Variants in EIF2AK1 observed in about 807,000 individuals in gnomAD.
The protein encoded by EIF2AK1 is eukaryotic translation initiation factor 2 alpha kinase 1, also known as eukaryotic translation initiation factor 2-alpha kinase 1.
In EIF2AK1, 54 loss-of-function variants were observed where a neutral mutation model predicts 77.9. The ratio of observed to expected loss-of-function variants is 0.69; its 90% CI spans 0.56 to 0.87. EIF2AK1 has a LOEUF of 0.87. EIF2AK1 is among the 40% of genes least tolerant of loss of function. The pLI, the probability that EIF2AK1 is intolerant of heterozygous loss-of-function variation, is 0.00. For synonymous variants in EIF2AK1, 314 were observed against 290.5 expected, an observed-to-expected ratio of 1.08 and a Z score of -0.82; for missense variants, 810 against 768.6, an observed-to-expected ratio of 1.05 and a Z score of -0.64.
Position 6,028,716 on chromosome 7 carries a change from C to T in EIF2AK1, c.1448-19G>A, listed in dbSNP as rs1279705415. The T allele has an allele frequency of 1.2e-6, 2 of 1,610,572 alleles. No individual in the cohort carries two copies. The highest frequency in any genetic ancestry group is 1.3e-5 in the African/African-American group (1 of 74,860). On this transcript the variant is annotated intron_variant, in intron 12 of 14. Coordinates refer to ENST00000199389, the MANE Select transcript of EIF2AK1 (RefSeq NM_014413.4). ...GGTGTTCCTATCATTTCAAAAGCCA[C>T]ATATTAAACATTGCAGTTAGCGCTG... is the stretch of plus-strand genomic sequence containing the variant.
chr7:6,052,063 T>C lies in EIF2AK1; in HGVS notation c.278-2018A>G, dbSNP rs548740863. ...GGTGGGTGCCTGTAGTCCCAGCTAC[T>C]TGGGAGGCTGAGGCAAGAGAATCGC... On this transcript the variant is annotated intron_variant, in intron 2 of 14. Transcript: ENST00000199389. Among the ~76,000 whole-genome samples, 2 of 151,636 alleles carry C rather than the reference T, an allele frequency of 1.3e-5. 1 individual carries two copies. Among genetic ancestry groups the C allele is most frequent in the African/African-American group, 4.8e-5 (2 of 41,368 alleles).
At chr7:6,049,842 T>A in intron 3 of EIF2AK1, 70 bp downstream of exon 3, 2 of 1,434,810 alleles carry the variant, frequency 1.4e-6, no homozygotes, top group Non-Finnish European at 1.9e-6. Flanking sequence ...TTCACAGTGC[T>A]TTAAAATATA....
intron 14 of EIF2AK1, among the ~76,000 whole-genome samples, chr7:6,025,461 T>G (rs922989646): frequency 6.6e-6 from 1 of 151,966 alleles, no homozygotes; most frequent in African/African-American, 2.4e-5. Flanking sequence ...CGCCCAATGC[T>G]TGTAACTCTT....
In EIF2AK1 at chr7:6,032,827, T is replaced by C; in HGVS notation, c.1333-3795A>G. On this transcript the variant is annotated intron_variant, in intron 11 of 14. Transcript: ENST00000199389. The surrounding 1 kb of genome is among the most constrained non-coding windows in gnomAD (Gnocchi z 4.3). The stretch of plus-strand genomic sequence containing the variant: ...AGGGCCACTTGTAATGTGTTTTGTT[T>C]TCCCTCCAAAGCCGACAGAGTCTAT... The C allele has an allele frequency of 1.9e-6, 3 of 1,548,648 alleles. No individual in the cohort carries two copies. The highest frequency in any genetic ancestry group is 2.6e-6 in the Non-Finnish European group (3 of 1,145,084).
chr7:6,055,816 A>C (rs562387318), intron 1 of EIF2AK1, among the ~76,000 whole-genome samples: 9 of 150,796 alleles, frequency 6.0e-5, no homozygotes, highest in African/African-American at 2.2e-4. Context: ...CCCTGTCTCT[A>C]CGAAAAAACA....
Position 6,024,553 on chromosome 7 carries a change from G to T in EIF2AK1, c.*120C>A. 1.3e-6 allele frequency: 2 copies of T among 1,518,440 alleles called. No homozygotes were observed. Among genetic ancestry groups the T allele is most frequent in the Non-Finnish European group, 8.8e-7 (1 of 1,140,716 alleles). The allele number at this position is 1,518,440 out of a possible 1,614,324, so 94.1% of individuals were successfully genotyped here. ...AAGGAACGGCAGCTTGGGGCACTCTGACATCTTTAACAAGTCTTGTAAAGG... is the reference window on the plus strand; with the variant it reads ...AAGGAACGGCAGCTTGGGGCACTCTTACATCTTTAACAAGTCTTGTAAAGG... On this transcript the variant is annotated 3_prime_UTR_variant, in exon 15 of 15. Transcript: ENST00000199389.
Position 6,038,547 on chromosome 7 carries a change from A to G in EIF2AK1, c.1231+13T>C. On this transcript the variant is annotated intron_variant, in intron 10 of 14. Transcript: ENST00000199389. ...GTCTATTTCCCGGCCCGGCAGACCCAGATGGTACTCACAGGCAGACTCGTC... is the reference window on the plus strand; with the variant it reads ...GTCTATTTCCCGGCCCGGCAGACCCGGATGGTACTCACAGGCAGACTCGTC... 6.2e-7 allele frequency: 1 copy of G among 1,604,098 alleles called. No individual in the cohort carries two copies. Among genetic ancestry groups the G allele is most frequent in the Non-Finnish European group, 8.5e-7 (1 of 1,174,220 alleles).
rs756176778 is a variant in EIF2AK1, at chr7:6,023,271, G to C, written c.*1402C>G. ...GAGTACTTCCCTCAGGGCTGCTCTG[G>C]TGATGCTACCTGGCGTGTTTTTTCT... On this transcript the variant is annotated 3_prime_UTR_variant, in exon 15 of 15. Transcript: ENST00000199389. The C allele has an allele frequency of 1.3e-6, 2 of 1,556,908 alleles. No individual in the cohort carries two copies. Among genetic ancestry groups the C allele is most frequent in the Non-Finnish European group, 1.7e-6 (2 of 1,158,112 alleles).
At chr7:6,047,943 C>T (rs1038770266) in intron 4 of EIF2AK1, 1 of 152,174 alleles carries the variant, frequency 6.6e-6, no homozygotes, top group African/African-American at 2.4e-5. Flanking sequence ...TGCACTACAG[C>T]CCAGGACTCC....
chr7:6,035,347 T>C lies in EIF2AK1; in HGVS notation c.1332+2077A>G. 8.5e-7 allele frequency: 1 copy of C among 1,176,476 alleles called. No individual in the cohort carries two copies. Among genetic ancestry groups the C allele is most frequent in the Non-Finnish European group, 1.2e-6 (1 of 840,950 alleles). The allele number at this position is 1,176,476 out of a possible 1,614,324, so 72.9% of individuals were successfully genotyped here. A position where few individuals can be genotyped will look rare whatever the true frequency, so the allele number is the denominator to read the frequency against. ...CGTCCTTAAGGTAATTGAAGGGTCT[T>C]ACTTTAAATAAATACTGGCTTCTTA... On this transcript the variant is annotated intron_variant, in intron 11 of 14. Coordinates refer to ENST00000199389, the MANE Select transcript of EIF2AK1 (RefSeq NM_014413.4). The surrounding 1 kb of genome is among the most constrained non-coding windows in gnomAD (Gnocchi z 5.5).
At chr7:6,044,509 A>C in intron 7 of EIF2AK1, 53 bp downstream of exon 7, 1 of 1,471,470 alleles carries the variant, frequency 6.8e-7, no homozygotes, top group Non-Finnish European at 9.4e-7. Context: ...GATTTGGTGC[A>C]CGGGCTAAAG....
chr7:6,030,905 A>G (rs1787891350), intron 11 of EIF2AK1, among the ~76,000 whole-genome samples: 1 of 152,214 alleles, frequency 6.6e-6, no homozygotes, highest in African/African-American at 2.4e-5. Flanking sequence ...TACAGACCCA[A>G]AACATCTCCC....
chr7:6,023,410 G>A lies in EIF2AK1; in HGVS notation c.*1263C>T, dbSNP rs751703423. 6.2e-7 allele frequency: 1 copy of A among 1,614,104 alleles called. No individual in the cohort carries two copies. The highest frequency in any genetic ancestry group is 2.2e-5 in the East Asian group (1 of 44,904). ...TCTGTTTGGCCAGAAGCATAATGCT[G>A]TCAACGCAACCCTTATAGATAGCTG... On this transcript the variant is annotated 3_prime_UTR_variant, in exon 15 of 15. Coordinates refer to ENST00000199389, the MANE Select transcript of EIF2AK1 (RefSeq NM_014413.4).
intron 11 of EIF2AK1, among the ~76,000 whole-genome samples, chr7:6,034,645 A>G (rs756238237): frequency 6.6e-6 from 1 of 152,222 alleles, no homozygotes; most frequent in Non-Finnish European, 1.5e-5. Flanking sequence ...CTGTTTCACC[A>G]TATCCATAGC....
rs1006912603 is a variant in EIF2AK1 at position 6,027,324 on chromosome 7, G to T, written c.1531-363C>A. 1.3e-5 allele frequency among the ~76,000 whole-genome samples: 2 copies of T among 152,152 alleles called. No individual in the cohort carries two copies. The highest frequency in any genetic ancestry group is 4.8e-5 in the African/African-American group (2 of 41,426). ...GCGGGGGAGCCACAGAAGGTCGCGGGTTCTCCTCCGGTCTCACCTCTGCCT... is the reference window on the plus strand; with the variant it reads ...GCGGGGGAGCCACAGAAGGTCGCGGTTTCTCCTCCGGTCTCACCTCTGCCT... On this transcript the variant is annotated intron_variant, in intron 13 of 14. Transcript: ENST00000199389. The surrounding 1 kb of genome is among the most constrained non-coding windows in gnomAD (Gnocchi z 4.5).
intron 6 of EIF2AK1, 108 bp downstream of exon 6, chr7:6,045,963 A>G: frequency 1.7e-6 from 1 of 603,324 alleles, no homozygotes. Context: ...AGTAAACTGG[A>G]AATCCACACC....
Position 6,035,660 on chromosome 7 carries a change from A to T in EIF2AK1, c.1332+1764T>A. 1 of 1,550,742 alleles carries T rather than the reference A, an allele frequency of 6.4e-7. No individual in the cohort carries two copies. Among genetic ancestry groups the T allele is most frequent in the Non-Finnish European group, 8.7e-7 (1 of 1,147,062 alleles). On this transcript the variant is annotated intron_variant, in intron 11 of 14. Transcript: ENST00000199389. The surrounding 1 kb of genome is among the most constrained non-coding windows in gnomAD (Gnocchi z 5.5). ...GTTCACCACTCCACCTGGCCATAGC[A>T]TATGGTTGCTATCCAGTTCTCTCCA...
In EIF2AK1 at chr7:6,023,896, C is replaced by T. The variant is rs907090084; in HGVS notation, c.*777G>A. 1.1e-5 allele frequency: 17 copies of T among 1,510,914 alleles called. No homozygotes were observed. The African/African-American group carries it at 2.1e-4, about 18-fold the overall frequency. The allele number at this position is 1,510,914 out of a possible 1,614,324, so 93.6% of individuals were successfully genotyped here. On this transcript the variant is annotated 3_prime_UTR_variant, in exon 15 of 15. Coordinates refer to ENST00000199389, the MANE Select transcript of EIF2AK1 (RefSeq NM_014413.4). ...CGCCATCTACCGTGATGACTGCCAA[C>T]TCCATGGCAGACCCTTTCTGGGATT... is the stretch of plus-strand genomic sequence containing the variant.
rs1249551327 is a variant in EIF2AK1 at position 6,035,871 on chromosome 7, A to G, written c.1332+1553T>C. On this transcript the variant is annotated intron_variant, in intron 11 of 14. Coordinates refer to ENST00000199389, the MANE Select transcript of EIF2AK1 (RefSeq NM_014413.4). The surrounding 1 kb of genome is among the most constrained non-coding windows in gnomAD (Gnocchi z 5.5). ...GAAGCTTGCAGTGTGCACTGCATCA[A>G]GCAAAGCAGGCCGACTCCTCGGGGC... 1.2e-5 allele frequency: 18 copies of G among 1,547,700 alleles called. No homozygotes were observed. The highest frequency in any genetic ancestry group is 1.6e-5 in the Non-Finnish European group (18 of 1,144,960).
Sources: gnomAD v4.1 joint callset for allele counts (sites outside exome capture counted in the v4.1 genomes callset) on GRCh38, gnomAD v4.1.1 for gene constraint, Gnocchi (gnomAD v3.1) non-coding constraint, MANE v1.5 for transcripts, NCBI Gene and HGNC (gene_info 2026-07-23, HGNC 2026-07-21) for gene names.